TANK: variants seen among roughly 807,000 people sequenced by gnomAD.
TANK encodes the protein TRAF family member-associated NF-kappa-B activator.
TANK carries 15 observed loss-of-function variants against 43.6 expected under a neutral mutation model. That is an observed-to-expected ratio of 0.34 (90% CI 0.23 to 0.53). The LOEUF is 0.53. Among genes scored for constraint, TANK ranks in the 20% least tolerant of loss-of-function variants. The probability of loss-of-function intolerance (pLI) is 0.94; values close to 1 mark genes in which losing one functional copy is unlikely to be tolerated. For missense variants in TANK, 417 were observed against 498.6 expected (o/e 0.84, Z 1.56); for synonymous variants, 162 against 178.2 (o/e 0.91, Z 0.73).
intron 2 of TANK, among the ~76,000 whole-genome samples, chr2:161,202,414 C>T (rs1476117144): frequency 6.6e-6 from 1 of 151,962 alleles, no homozygotes; most frequent in African/African-American, 2.4e-5. Flanking sequence ...TGGTCTCAAT[C>T]TCCTGACCTC....
At chr2:161,222,018 A>T (rs1328841575) in intron 4 of TANK, among the ~76,000 whole-genome samples, 1 of 152,074 alleles carries the variant, frequency 6.6e-6, no homozygotes, top group Non-Finnish European at 1.5e-5. Flanking sequence ...AACATCACAG[A>T]AGTAAGTTAG....
intron 2 of TANK, among the ~76,000 whole-genome samples, chr2:161,196,590 C>T (rs1007843115): frequency 3.3e-5 from 5 of 152,122 alleles, no homozygotes; most frequent in African/African-American, 9.7e-5. Context: ...CGCGGTGGCT[C>T]ACACCTGTAA....
At chr2:161,198,054 C>T (rs1223151194) in intron 2 of TANK, among the ~76,000 whole-genome samples, 2 of 152,148 alleles carry the variant, frequency 1.3e-5, no homozygotes, top group African/African-American at 2.4e-5. Context: ...AAGTCAGATA[C>T]GGAGATGAGA....
At chr2:161,205,586 T>C (rs1686616150) in intron 4 of TANK, among the ~76,000 whole-genome samples, 1 of 152,154 alleles carries the variant, frequency 6.6e-6, no homozygotes, top group Non-Finnish European at 1.5e-5. Context: ...AGGAGACATA[T>C]ACAAGGACGT....
rs181095031 is a variant in TANK at position 161,212,130 on chromosome 2, G to A, written c.327+7337G>A. ...TACTGGGGTGCAGTGACACCATCTC[G>A]GCTCACTGCAACCTCCACCTCCCAG... On this transcript the variant is annotated intron_variant, in intron 4 of 7. Transcript: ENST00000392749. 1.1e-3 allele frequency: 457 copies of A among 408,944 alleles called. 3 individuals carry two copies. The highest frequency in any genetic ancestry group is 9.9e-3 in the African/African-American group (442 of 44,766). 25.3% of individuals were successfully genotyped at this position (408,944 alleles called of 1,614,324 possible).
intron 1 of TANK, among the ~76,000 whole-genome samples, chr2:161,165,918 A>G (rs963288086): frequency 6.6e-6 from 1 of 152,326 alleles, no homozygotes; most frequent in Non-Finnish European, 1.5e-5. Context: ...TTTTGGTGTT[A>G]TACTGTTTAG....
chr2:161,203,419 C>A, intron 2 of TANK, 68 bp from the exon 3 acceptor site: 4 of 1,037,016 alleles, frequency 3.9e-6, no homozygotes, highest in South Asian at 1.5e-5. Context: ...TTTATATTAT[C>A]AATGGATGGT....
chr2:161,194,606 A>G lies in TANK; in HGVS notation c.100-8881A>G, dbSNP rs114179732. ...GATCTTCTCTAATGTTTTTCTGACA[A>G]TAAATGTTAAGCGATAAGGACCGTT... On this transcript the variant is annotated intron_variant, in intron 2 of 7. Coordinates refer to ENST00000392749, the MANE Select transcript of TANK (RefSeq NM_001199135.3). Among the ~76,000 whole-genome samples, 784 of 152,290 alleles carry G rather than the reference A, an allele frequency of 5.1e-3. 7 individuals carry two copies. The highest frequency in any genetic ancestry group is 0.017 in the African/African-American group (725 of 41,566).
At chr2:161,234,709 A>G (rs1048530536) in intron 7 of TANK, among the ~76,000 whole-genome samples, 5 of 152,244 alleles carry the variant, frequency 3.3e-5, no homozygotes, top group African/African-American at 1.2e-4. Context: ...CAAAGTAAGA[A>G]GTCAAAACAC....
chr2:161,176,725 AT>A (rs1685189407), intron 1 of TANK, among the ~76,000 whole-genome samples: 2 of 152,140 alleles, frequency 1.3e-5, no homozygotes, highest in South Asian at 4.1e-4. Flanking sequence ...GTCCCAAAAG[AT>A]TTAGTGGCCC....
chr2:161,165,835 C>T (rs1329989500), intron 1 of TANK, among the ~76,000 whole-genome samples: 1 of 152,226 alleles, frequency 6.6e-6, no homozygotes, highest in Non-Finnish European at 1.5e-5. Context: ...TTACTCAGTT[C>T]AGCACAGCCA....
chr2:161,159,924 T>A (rs945720234), upstream of TANK, among the ~76,000 whole-genome samples: 1 of 152,132 alleles, frequency 6.6e-6, no homozygotes, highest in Admixed American at 6.5e-5. Flanking sequence ...TATGTAGTGT[T>A]TCTCAGAGTG....
chr2:161,163,410 C>A (rs566705028), intron 1 of TANK: 5 of 151,916 alleles, frequency 3.3e-5, no homozygotes, highest in South Asian at 4.2e-4. Flanking sequence ...TTATTTCCCC[C>A]CTACACACAA....
At chr2:161,157,372 A>G (rs553634333), upstream of TANK, among the ~76,000 whole-genome samples, 11 of 152,330 alleles carry the variant, frequency 7.2e-5, no homozygotes, top group African/African-American at 2.6e-4. Context: ...TTTGCAACTG[A>G]GCACAGCCTG....
rs562655628 is a variant in TANK at position 161,227,417 on chromosome 2, A to G, written c.520+2671A>G. Among the ~76,000 whole-genome samples the G allele has an allele frequency of 2.0e-5, 3 of 152,308 alleles. No individual in the cohort carries two copies. The South Asian group carries it at 6.2e-4, about 32-fold the overall frequency. On this transcript the variant is annotated intron_variant, in intron 6 of 7. Transcript: ENST00000392749. The stretch of plus-strand genomic sequence containing the variant: ...TGTTCAATTTAGCCTAATGGTTCAG[A>G]GCACAAATCTACAGTTAGGTTGCCT...
intron 1 of TANK, chr2:161,161,518 T>C: frequency 6.7e-7 from 1 of 1,483,982 alleles, no homozygotes; most frequent in Non-Finnish European, 9.0e-7. Flanking sequence ...GGAAGTGAAA[T>C]CCTTCTCAGT....
At chr2:161,219,233 A>G (rs1374272849) in intron 4 of TANK, among the ~76,000 whole-genome samples, 1 of 152,244 alleles carries the variant, frequency 6.6e-6, no homozygotes, top group East Asian at 1.9e-4. Context: ...TCTGAACAAT[A>G]TGTTTTATTG....
At chr2:161,174,463 G>C (rs1685092024) in intron 1 of TANK, among the ~76,000 whole-genome samples, 1 of 152,032 alleles carries the variant, frequency 6.6e-6, no homozygotes, top group Non-Finnish European at 1.5e-5. Context: ...CCTAGCAACT[G>C]GTTTGCAATC....
At chr2:161,161,308 TAAG>T in intron 1 of TANK, 1 of 1,550,562 alleles carries the variant, frequency 6.4e-7, no homozygotes, top group Non-Finnish European at 8.7e-7. Context: ...CAAGTTATAA[TAAG>T]GGAGAGATGG....
Sources: gnomAD v4.1 joint callset for allele counts (sites outside exome capture counted in the v4.1 genomes callset) on GRCh38, gnomAD v4.1.1 for gene constraint, MANE v1.5 for transcripts, NCBI Gene and HGNC (gene_info 2026-07-23, HGNC 2026-07-21) for gene names.